Variants in ILF2 observed in about 807,000 individuals in gnomAD.
ILF2 encodes interleukin enhancer binding factor 2, also known as interleukin enhancer-binding factor 2.
A neutral mutation model predicts 55.3 loss-of-function variants in ILF2; 9 were observed. That is an observed-to-expected ratio of 0.16 (90% CI 0.10 to 0.28). The LOEUF (loss-of-function observed/expected upper bound fraction) is 0.28. Ranked by LOEUF, ILF2 falls within the 10% of genes least tolerant of loss-of-function variation. The pLI, the probability that ILF2 is intolerant of heterozygous loss-of-function variation, is 1.00. For synonymous variants in ILF2, 151 were observed against 161.8 expected (o/e 0.93, Z 0.50); for missense variants, 266 against 474.9 (o/e 0.56, Z 4.09).
At chr1:153,670,769 C>T (rs990837537) in intron 1 of ILF2, 149 bp downstream of exon 1, 20 of 964,340 alleles carry the variant, frequency 2.1e-5, no homozygotes, top group Non-Finnish European at 3.4e-5. Flanking sequence ...CGGCCTCCAT[C>T]TCTCCCACTA....
chr1:153,663,976 A>ACTG, intron 10 of ILF2, 67 bp downstream of exon 10: 2 of 781,750 alleles, frequency 2.6e-6, no homozygotes, highest in Non-Finnish European at 4.3e-6. Flanking sequence ...TACTACTACT[A>ACTG]CTACTACTAC....
Position 153,664,032 on chromosome 1 carries a change from T to C in ILF2, c.744+11A>G. 6.4e-7 allele frequency: 1 copy of C among 1,567,214 alleles called. No homozygotes were observed. Among genetic ancestry groups the C allele is most frequent in the Non-Finnish European group, 8.8e-7 (1 of 1,139,902 alleles). On this transcript the variant is annotated intron_variant, in intron 10 of 13. Transcript: ENST00000361891. ...GATGATGAGGAACTCCAATTGCCCA[T>C]CTTTACTTACTAGTAGGTCAAGGAT...
chr1:153,670,938 G>C lies in ILF2; in HGVS notation c.-16C>G, dbSNP rs1040689530. ...CTTACCTCATGGCGCCTTAAAACAC[G>C]AACAATGGAGGCCGCACCAACCGCC... On this transcript the variant is annotated 5_prime_UTR_variant, in exon 1 of 14. Coordinates refer to ENST00000361891, the MANE Select transcript of ILF2 (RefSeq NM_004515.4). 5 of 1,614,138 alleles carry C rather than the reference G, an allele frequency of 3.1e-6. No homozygotes were observed. The highest frequency in any genetic ancestry group is 1.1e-5 in the South Asian group (1 of 91,086).
Position 153,670,797 on chromosome 1 carries a change from T to C in ILF2, c.5+121A>G, listed in dbSNP as rs116908925. The C allele has an allele frequency of 1.1e-3, 1,289 of 1,162,166 alleles. 26 individuals carry two copies. The East Asian group carries it at 0.03, about 27-fold the overall frequency. 72.0% of individuals were successfully genotyped at this position (1,162,166 alleles called of 1,614,324 possible). Reference sequence around the variant, plus strand: ...TCCCACTATCCTAGACCAGGAGTTCTCAGGTTTTTGGCCAGCCCCCGGATA... The same window carrying C: ...TCCCACTATCCTAGACCAGGAGTTCCCAGGTTTTTGGCCAGCCCCCGGATA... On this transcript the variant is annotated intron_variant, in intron 1 of 13. Transcript: ENST00000361891.
In ILF2 at chr1:153,670,992, A is replaced by C; in HGVS notation, c.-70T>G. ...TCCTCTGAGTAGCAGACAACTGAAG[A>C]GGCGTCTTGCCGGCGTGTCCCAATA... On this transcript the variant is annotated 5_prime_UTR_variant, in exon 1 of 14. Coordinates refer to ENST00000361891, the MANE Select transcript of ILF2 (RefSeq NM_004515.4). The C allele has an allele frequency of 6.3e-7, 1 of 1,597,542 alleles. No homozygotes were observed.
At position 153,667,727 on chromosome 1, in the gene ILF2, G is replaced by A. The variant is rs1344859831; in HGVS notation, c.292-70C>T. 3.9e-6 allele frequency: 4 copies of A among 1,033,280 alleles called. No homozygotes were observed. In the African/African-American group the frequency reaches 6.4e-5, roughly 17 times the overall value. The allele number at this position is 1,033,280 out of a possible 1,614,324, so 64.0% of individuals were successfully genotyped here. On this transcript the variant is annotated intron_variant, in intron 5 of 13. Transcript: ENST00000361891. Reference sequence around the variant, plus strand: ...AAGGTGCCTAGGTCCTCCCAGAACTGTTACAACACAGCTACCTGTTACCCA... The same window carrying A: ...AAGGTGCCTAGGTCCTCCCAGAACTATTACAACACAGCTACCTGTTACCCA...
At chr1:153,665,858 T>C (rs1669293122) in intron 6 of ILF2, 130 bp from the exon 7 acceptor site, 2 of 682,700 alleles carry the variant, frequency 2.9e-6, no homozygotes, top group East Asian at 2.8e-5. Flanking sequence ...TAATAGAATA[T>C]ATACTTTTAT....
intron 6 of ILF2, among the ~76,000 whole-genome samples, chr1:153,666,167 G>A (rs994363387): frequency 6.6e-6 from 1 of 151,876 alleles, no homozygotes; most frequent in African/African-American, 2.4e-5. Flanking sequence ...TCTCACCTCA[G>A]GCTGCTGCTT....
intron 2 of ILF2, 84 bp from the exon 3 acceptor site, chr1:153,669,962 G>A (rs1211129060): frequency 8.0e-7 from 1 of 1,243,840 alleles, no homozygotes; most frequent in Non-Finnish European, 1.2e-6. Context: ...TTGAAAACAT[G>A]TCAGTCCTCA....
chr1:153,663,421 T>G lies in ILF2; in HGVS notation c.745-145A>C, dbSNP rs1669225709. 5.5e-6 allele frequency: 4 copies of G among 727,306 alleles called. No individual in the cohort carries two copies. The East Asian group carries it at 1.1e-4, about 19-fold the overall frequency. The allele number at this position is 727,306 out of a possible 1,614,324, so 45.1% of individuals were successfully genotyped here. A position where few individuals can be genotyped will look rare whatever the true frequency, so the allele number is the denominator to read the frequency against. On this transcript the variant is annotated intron_variant, in intron 10 of 13. Transcript: ENST00000361891. ...ATAGTTCACTGTAACCGCGAACTCC[T>G]GGGCTCAAGCAACCCTCCTGACTCA... is the stretch of plus-strand genomic sequence containing the variant.
chr1:153,662,567 GAA>G lies in ILF2; in HGVS notation c.1013-13_1013-12del. On this transcript the variant is annotated splice_polypyrimidine_tract_variant and intron_variant, in intron 13 of 13. Coordinates refer to ENST00000361891, the MANE Select transcript of ILF2 (RefSeq NM_004515.4). The stretch of plus-strand genomic sequence containing the variant: ...TTTCAGAAGCAAGATCTAGGAAAGA[GAA>G]AAAGGTGATTTAGACGAGTAGCCCA... The G allele has an allele frequency of 1.9e-6, 3 of 1,612,210 alleles. No homozygotes were observed. The highest frequency in any genetic ancestry group is 2.5e-6 in the Non-Finnish European group (3 of 1,178,588).
chr1:153,663,508 T>TC (rs1278112197), intron 10 of ILF2, among the ~76,000 whole-genome samples: 43 of 152,046 alleles, frequency 2.8e-4, no homozygotes, highest in African/African-American at 9.4e-4. Context: ...TTTTTTTTTT[T>TC]CTCTTGTAGA....
At chr1:153,662,577 A>T in intron 13 of ILF2, 21 bp from the exon 14 acceptor site, 1 of 1,608,862 alleles carries the variant, frequency 6.2e-7, no homozygotes, top group South Asian at 1.1e-5. Context: ...GAAAAAGGTG[A>T]TTTAGACGAG....
In ILF2 at chr1:153,669,773, G is replaced by A. The variant is rs949542960; in HGVS notation, c.108+63C>T. On this transcript the variant is annotated intron_variant, in intron 3 of 13. Coordinates refer to ENST00000361891, the MANE Select transcript of ILF2 (RefSeq NM_004515.4). ...ACCACCATCTAACTTCATTAACTGGGAGATACTGGGCTCCATTTCAACAGT... is the reference window on the plus strand; with the variant it reads ...ACCACCATCTAACTTCATTAACTGGAAGATACTGGGCTCCATTTCAACAGT... The A allele has an allele frequency of 4.5e-5, 58 of 1,301,900 alleles. 1 individual carries two copies. The highest frequency in any genetic ancestry group is 1.2e-4 in the Admixed American group (7 of 59,520). The allele number at this position is 1,301,900 out of a possible 1,614,324, so 80.6% of individuals were successfully genotyped here.
chr1:153,662,355 C>G lies in ILF2; in HGVS notation c.*41G>C, dbSNP rs1332259008. 1 of 1,612,004 alleles carries G rather than the reference C, an allele frequency of 6.2e-7. No individual in the cohort carries two copies. The highest frequency in any genetic ancestry group is 1.7e-5 in the Admixed American group (1 of 59,804). On this transcript the variant is annotated 3_prime_UTR_variant, in exon 14 of 14. Transcript: ENST00000361891. ...AGCCCAGTAGCAGGCAGCTTAGGCT[C>G]CAGTCTTCCCCCTTGGGTAGGAAAA...
At chr1:153,670,349 A>G in intron 1 of ILF2, 119 bp from the exon 2 acceptor site, 1 of 903,292 alleles carries the variant, frequency 1.1e-6, no homozygotes, top group African/African-American at 1.7e-5. Flanking sequence ...CCCCACTCAC[A>G]CTTACACTTG....
intron 6 of ILF2, among the ~76,000 whole-genome samples, chr1:153,666,973 T>C (rs756476288): frequency 3.3e-5 from 5 of 151,746 alleles, no homozygotes; most frequent in Non-Finnish European, 5.9e-5. Flanking sequence ...AATAGAAAAA[T>C]TAGCCTGGCA....
In ILF2 at chr1:153,670,985, A is replaced by G. The variant is rs1669457815; in HGVS notation, c.-63T>C. ...CGCCCCTTCCTCTGAGTAGCAGACA[A>G]CTGAAGAGGCGTCTTGCCGGCGTGT... On this transcript the variant is annotated 5_prime_UTR_variant, in exon 1 of 14. Coordinates refer to ENST00000361891, the MANE Select transcript of ILF2 (RefSeq NM_004515.4). 2.5e-6 allele frequency: 4 copies of G among 1,605,078 alleles called. No homozygotes were observed. Among genetic ancestry groups the G allele is most frequent in the East Asian group, 2.2e-5 (1 of 44,832 alleles).
At chr1:153,664,843 C>G (rs1288480109) in intron 8 of ILF2, among the ~76,000 whole-genome samples, 1 of 152,212 alleles carries the variant, frequency 6.6e-6, no homozygotes, top group Non-Finnish European at 1.5e-5. Flanking sequence ...CAGGCGTGAG[C>G]CACCGCACCC....
Sources: allele counts gnomAD v4.1 joint callset (sites outside exome capture counted in the v4.1 genomes callset), GRCh38; gene constraint gnomAD v4.1.1; transcripts MANE v1.5; gene names NCBI Gene and HGNC (gene_info 2026-07-23, HGNC 2026-07-21).